DAB1: variants seen among roughly 807,000 people sequenced by gnomAD.
DAB1 encodes disabled homolog 1.
Under a neutral mutation model 64.6 loss-of-function variants are expected in DAB1, and 15 were observed. That is an observed-to-expected ratio of 0.23 (90% confidence interval 0.16 to 0.36). DAB1 has a LOEUF of 0.36. Among genes scored for constraint, DAB1 ranks in the 10% least tolerant of loss-of-function variants. The pLI, the probability that DAB1 is intolerant of heterozygous loss-of-function variation, is 1.00. For synonymous variants in DAB1, 235 were observed against 251.9 expected (o/e 0.93, Z 0.64); for missense variants, 596 against 706.7 (o/e 0.84, Z 1.78).
chr1:57,179,725 T>A (rs74074137), intron 2 of DAB1, among the ~76,000 whole-genome samples: 3,178 of 152,210 alleles, frequency 0.021, 87 homozygotes, highest in East Asian at 0.14. Flanking sequence ...ATTCTTTTTT[T>A]AAAAAAATAC....
At chr1:57,535,786 C>T (rs142253519) in intron 7 of DAB1, among the ~76,000 whole-genome samples, 1 of 152,276 alleles carries the variant, frequency 6.6e-6, no homozygotes, top group Non-Finnish European at 1.5e-5. Flanking sequence ...TAACACTCAG[C>T]CATAGTGCTA....
chr1:57,607,612 T>A (rs1035895524), intron 7 of DAB1, among the ~76,000 whole-genome samples: 3 of 152,164 alleles, frequency 2.0e-5, no homozygotes, highest in Non-Finnish European at 4.4e-5. Flanking sequence ...CTACTTTAGG[T>A]CTTTCTGGTT....
At chr1:57,093,906 G>A (rs892012394) in intron 4 of DAB1, among the ~76,000 whole-genome samples, 1 of 151,818 alleles carries the variant, frequency 6.6e-6, no homozygotes, top group Non-Finnish European at 1.5e-5. Flanking sequence ...TTGAAGTCAG[G>A]AGTTTGAGAT....
At chr1:57,345,463 A>G (rs1024829508) in intron 1 of DAB1, among the ~76,000 whole-genome samples, 1 of 152,252 alleles carries the variant, frequency 6.6e-6, no homozygotes, top group Non-Finnish European at 1.5e-5. Context: ...GGAATAAGCC[A>G]GAACCAACAG....
chr1:57,432,265 T>C (rs1236978278), intron 7 of DAB1, among the ~76,000 whole-genome samples: 1 of 152,202 alleles, frequency 6.6e-6, no homozygotes, highest in Non-Finnish European at 1.5e-5. Flanking sequence ...TCTGCCTCTC[T>C]GGGGCCATTC....
intron 1 of DAB1, among the ~76,000 whole-genome samples, chr1:57,327,455 C>A (rs1000012083): frequency 5.3e-5 from 8 of 152,094 alleles, no homozygotes; most frequent in African/African-American, 1.9e-4. Context: ...TGTGTGAATT[C>A]CTCTCTATGT....
At chr1:57,290,112 AT>A (rs1221424345) in intron 2 of DAB1, among the ~76,000 whole-genome samples, 2 of 152,220 alleles carry the variant, frequency 1.3e-5, no homozygotes, top group Non-Finnish European at 2.9e-5. Flanking sequence ...GACATTTTTA[AT>A]AAAGCAAAAC....
intron 4 of DAB1, among the ~76,000 whole-genome samples, chr1:57,119,361 A>G (rs1656430866): frequency 1.3e-5 from 2 of 152,078 alleles, no homozygotes; most frequent in African/African-American, 2.4e-5. Flanking sequence ...TTTCTGAAAG[A>G]CTGGATTTAT....
At chr1:57,051,603 G>A (rs1649194177) in intron 9 of DAB1, among the ~76,000 whole-genome samples, 1 of 152,182 alleles carries the variant, frequency 6.6e-6, no homozygotes, top group African/African-American at 2.4e-5. Flanking sequence ...GGTGTTTGCA[G>A]GATGGGATGC....
intron 1 of DAB1, among the ~76,000 whole-genome samples, chr1:57,420,515 A>C (rs572999094): frequency 3.9e-5 from 6 of 152,254 alleles, no homozygotes; most frequent in Non-Finnish European, 4.4e-5. Context: ...TACTCCATAA[A>C]GGTTAATTAT....
Position 58,155,470 on chromosome 1 carries a change from T to C in DAB1, n.310-4882A>G, listed in dbSNP as rs535461546. ...AGAAACCTATTCTAAGTTAACACTGTGAAAAACGGGAAGCAAACCAGGAGC... is the reference window on the plus strand; with the variant it reads ...AGAAACCTATTCTAAGTTAACACTGCGAAAAACGGGAAGCAAACCAGGAGC... On this transcript the variant is annotated intron_variant and non_coding_transcript_variant, in intron 4 of 20. Coordinates refer to the DAB1 transcript ENST00000485760. 2.6e-5 allele frequency among the ~76,000 whole-genome samples: 4 copies of C among 152,248 alleles called. No homozygotes were observed. The South Asian group carries it at 6.2e-4, about 24-fold the overall frequency.
chr1:57,093,274 A>G (rs546524454), intron 4 of DAB1, among the ~76,000 whole-genome samples: 1 of 152,270 alleles, frequency 6.6e-6, no homozygotes, highest in East Asian at 1.9e-4. Flanking sequence ...TGGAGTGGAA[A>G]AAGGTCCCCT....
intron 1 of DAB1, among the ~76,000 whole-genome samples, chr1:57,295,414 A>T (rs1404222119): frequency 1.3e-5 from 2 of 152,196 alleles, no homozygotes; most frequent in Non-Finnish European, 1.5e-5. Flanking sequence ...TGTATGTCAC[A>T]ATTGGCATGT....
chr1:57,789,858 T>C (rs1226418772), intron 6 of DAB1, among the ~76,000 whole-genome samples: 2 of 152,178 alleles, frequency 1.3e-5, no homozygotes, highest in African/African-American at 2.4e-5. Context: ...ACCAAGAAGA[T>C]TTCTTGTCAG....
chr1:57,094,882 C>G (rs927570515), intron 4 of DAB1, among the ~76,000 whole-genome samples: 2 of 152,106 alleles, frequency 1.3e-5, no homozygotes, highest in African/African-American at 4.8e-5. Context: ...CTTAAAGTAT[C>G]TAGTCATGCC....
intron 7 of DAB1, among the ~76,000 whole-genome samples, chr1:57,530,956 G>A (rs931074864): frequency 2.6e-5 from 4 of 152,142 alleles, no homozygotes; most frequent in Admixed American, 2.0e-4. Flanking sequence ...TTTTGTTGGT[G>A]TTGGCCAATA....
intron 3 of DAB1, among the ~76,000 whole-genome samples, chr1:58,421,998 CA>C (rs56307849): frequency 0.16 from 22,789 of 140,914 alleles, 2,113 homozygotes; most frequent in Middle Eastern, 0.24. Flanking sequence ...AAGTAGACGT[CA>C]AAAAAAAAAA....
chr1:58,414,220 C>G (rs1485284532), intron 3 of DAB1, among the ~76,000 whole-genome samples: 1 of 151,976 alleles, frequency 6.6e-6, no homozygotes, highest in Non-Finnish European at 1.5e-5. Flanking sequence ...GTGTCATCAT[C>G]CACTCAATGG....
intron 7 of DAB1, among the ~76,000 whole-genome samples, chr1:57,629,735 G>GAAAAA (rs35634554): frequency 7.0e-6 from 1 of 143,208 alleles, no homozygotes; most frequent in Non-Finnish European, 1.5e-5. Context: ...TCAAGAACTT[G>GAAAAA]AAAAAAAAAA....
Sources: gnomAD v4.1 joint callset for allele counts (sites outside exome capture counted in the v4.1 genomes callset) on GRCh38, gnomAD v4.1.1 for gene constraint, MANE v1.5 for transcripts, NCBI Gene and HGNC (gene_info 2026-07-23, HGNC 2026-07-21) for gene names.